Variants in LCLAT1 observed in about 807,000 individuals in gnomAD.
LCLAT1 encodes 1-AGP acyltransferase 8.
A neutral mutation model predicts 30.7 loss-of-function variants in LCLAT1; 11 were observed. The observed-to-expected ratio is 0.36, with a 90% CI of 0.23 to 0.59. The LOEUF is 0.59. Among genes scored for constraint, LCLAT1 ranks in the 20% least tolerant of loss-of-function variants. The pLI is 0.77. For synonymous variants in LCLAT1, 155 were observed against 151.3 expected, an observed-to-expected ratio of 1.02 and a Z score of -0.18; for missense variants, 402 against 458.6, an observed-to-expected ratio of 0.88 and a Z score of 1.13.
chr2:30,625,173 A>G (rs1327728843), intron 5 of LCLAT1, among the ~76,000 whole-genome samples: 1 of 152,210 alleles, frequency 6.6e-6, no homozygotes, highest in African/African-American at 2.4e-5. Flanking sequence ...CTAAGGTCAC[A>G]CCTCAAAGAA....
At chr2:30,610,085 A>T (rs542030922) in intron 5 of LCLAT1, among the ~76,000 whole-genome samples, 1 of 152,152 alleles carries the variant, frequency 6.6e-6, no homozygotes, top group South Asian at 2.1e-4. Flanking sequence ...ACATAGCCAT[A>T]CCCCCTGCAT....
chr2:30,471,785 C>G (rs918753755), intron 1 of LCLAT1, among the ~76,000 whole-genome samples: 3 of 152,008 alleles, frequency 2.0e-5, no homozygotes, highest in African/African-American at 7.2e-5. Context: ...TTGTGGGTTC[C>G]TAAGGATTTT....
chr2:30,476,746 C>T lies in LCLAT1; in HGVS notation c.-5+29363C>T, dbSNP rs79426255. 4.0e-3 allele frequency: 1,206 copies of T among 300,824 alleles called. 12 individuals carry two copies. Among genetic ancestry groups the T allele is most frequent in the African/African-American group, 0.025 (1,141 of 46,044 alleles). 18.6% of individuals were successfully genotyped at this position (300,824 alleles called of 1,614,324 possible). A position where few individuals can be genotyped will look rare whatever the true frequency, so the allele number is the denominator to read the frequency against. On this transcript the variant is annotated intron_variant, in intron 1 of 5. Coordinates refer to ENST00000379509, the MANE Select transcript of LCLAT1 (RefSeq NM_001002257.3). Reference sequence around the variant, plus strand: ...TCCTGAAACCACCCCTTCCCCTGCCCCTGCCATCCATGGAAAAATCGTCTT... The same window carrying T: ...TCCTGAAACCACCCCTTCCCCTGCCTCTGCCATCCATGGAAAAATCGTCTT...
intron 4 of LCLAT1, among the ~76,000 whole-genome samples, chr2:30,562,752 T>G (rs1665295376): frequency 6.6e-6 from 1 of 152,218 alleles, no homozygotes; most frequent in Non-Finnish European, 1.5e-5. Context: ...TGTTTTAGGT[T>G]AATGTTTATC....
chr2:30,545,987 A>G (rs1392132529), intron 3 of LCLAT1, among the ~76,000 whole-genome samples: 1 of 152,178 alleles, frequency 6.6e-6, no homozygotes, highest in East Asian at 1.9e-4. Context: ...ATATGACCTC[A>G]TGATTTCATA....
intron 1 of LCLAT1, among the ~76,000 whole-genome samples, chr2:30,523,370 G>A (rs887382439): frequency 6.6e-6 from 1 of 151,888 alleles, no homozygotes; most frequent in Non-Finnish European, 1.5e-5. Flanking sequence ...TGGTAACACA[G>A]ACCACTCTAG....
rs1669360126 is a variant in LCLAT1, at chr2:30,642,370, G to A, written c.*1751G>A. ...CCAGACCCAGCTCTTTAACTTCATG[G>A]TTTTACAGCTTGTTTTTTCTTTTTC... On this transcript the variant is annotated 3_prime_UTR_variant, in exon 6 of 6. Coordinates refer to ENST00000379509, the MANE Select transcript of LCLAT1 (RefSeq NM_001002257.3). 1 of 149,308 alleles carries A rather than the reference G, an allele frequency of 6.7e-6. No individual in the cohort carries two copies. Among genetic ancestry groups the A allele is most frequent in the African/African-American group, 2.5e-5 (1 of 40,564 alleles). The allele number at this position is 149,308 out of a possible 1,614,324, so 9.2% of individuals were successfully genotyped here. A position where few individuals can be genotyped will look rare whatever the true frequency, so the allele number is the denominator to read the frequency against.
At chr2:30,538,089 G>A (rs1047444243) in intron 3 of LCLAT1, among the ~76,000 whole-genome samples, 1 of 151,930 alleles carries the variant, frequency 6.6e-6, no homozygotes, top group South Asian at 2.1e-4. Flanking sequence ...AGTAGTAAGA[G>A]CGCAGCTTAT....
At chr2:30,453,691 C>T (rs1430344570) in intron 1 of LCLAT1, among the ~76,000 whole-genome samples, 1 of 152,172 alleles carries the variant, frequency 6.6e-6, no homozygotes, top group East Asian at 1.9e-4. Context: ...AGTGCCTTCA[C>T]TACAGAGGTC....
intron 5 of LCLAT1, among the ~76,000 whole-genome samples, chr2:30,571,473 C>T (rs540393828): frequency 3.1e-4 from 47 of 152,138 alleles, no homozygotes; most frequent in African/African-American, 1.1e-3. Flanking sequence ...TAGCATTGTT[C>T]GACTATTTTA....
At chr2:30,602,772 C>G (rs1262437126) in intron 5 of LCLAT1, among the ~76,000 whole-genome samples, 2 of 152,160 alleles carry the variant, frequency 1.3e-5, no homozygotes, top group African/African-American at 4.8e-5. Flanking sequence ...TTTACTCTGA[C>G]AGCAGGTTGA....
intron 5 of LCLAT1, among the ~76,000 whole-genome samples, chr2:30,618,191 A>G (rs1668083529): frequency 6.6e-6 from 1 of 152,150 alleles, no homozygotes; most frequent in Non-Finnish European, 1.5e-5. Flanking sequence ...TCCTGAAATG[A>G]GCAGCTAATG....
intron 1 of LCLAT1, among the ~76,000 whole-genome samples, chr2:30,496,619 A>T (rs1332503579): frequency 6.6e-6 from 1 of 152,230 alleles, no homozygotes. Context: ...AGTGTAATGG[A>T]AAGTGATTTG....
intron 5 of LCLAT1, among the ~76,000 whole-genome samples, chr2:30,587,432 G>A (rs1418711122): frequency 6.6e-6 from 1 of 152,124 alleles, no homozygotes; most frequent in Non-Finnish European, 1.5e-5. Context: ...AAATTTCTCA[G>A]AAATAGAAAA....
At chr2:30,598,008 A>ATAAG (rs1447753488) in intron 5 of LCLAT1, among the ~76,000 whole-genome samples, 1 of 152,198 alleles carries the variant, frequency 6.6e-6, no homozygotes, top group Non-Finnish European at 1.5e-5. Flanking sequence ...ATCATGGTGT[A>ATAAG]TAAGTTTTTT....
At chr2:30,591,118 T>G (rs1028501061) in intron 5 of LCLAT1, among the ~76,000 whole-genome samples, 4 of 152,192 alleles carry the variant, frequency 2.6e-5, no homozygotes, top group Non-Finnish European at 4.4e-5. Context: ...AGTATAGTGA[T>G]TGTGACTTTT....
At chr2:30,580,470 C>T (rs183990094) in intron 5 of LCLAT1, among the ~76,000 whole-genome samples, 325 of 152,146 alleles carry the variant, frequency 2.1e-3, no homozygotes, top group Non-Finnish European at 3.6e-3. Context: ...TTCACAGGAA[C>T]GAGGCAACAG....
At chr2:30,458,644 A>T (rs1681951145) in intron 1 of LCLAT1, among the ~76,000 whole-genome samples, 1 of 152,058 alleles carries the variant, frequency 6.6e-6, no homozygotes, top group Admixed American at 6.6e-5. Context: ...GTGGAGAGTG[A>T]TGGTGGGTGG....
chr2:30,605,699 A>G (rs1274593614), intron 5 of LCLAT1, among the ~76,000 whole-genome samples: 3 of 152,202 alleles, frequency 2.0e-5, no homozygotes, highest in Admixed American at 2.0e-4. Context: ...AAAGAAAGAA[A>G]GGTATAATAG....
Sources: gnomAD v4.1 joint callset for allele counts (sites outside exome capture counted in the v4.1 genomes callset) on GRCh38, gnomAD v4.1.1 for gene constraint, MANE v1.5 for transcripts, NCBI Gene and HGNC (gene_info 2026-07-23, HGNC 2026-07-21) for gene names.